Variants in CMC2 observed in about 807,000 individuals in gnomAD.
CMC2 encodes COX assembly mitochondrial protein 2 homolog.
A neutral mutation model predicts 7.5 loss-of-function variants in CMC2; 5 were observed. That is an observed-to-expected ratio of 0.66 (90% CI 0.35 to 1.40). The LOEUF (loss-of-function observed/expected upper bound fraction) is 1.40, where lower values mean the gene tolerates loss of function less well. CMC2 is among the 40% of genes most tolerant of loss of function. CMC2 has a pLI of 0.04. For synonymous variants in CMC2, 37 were observed against 31.4 expected, an observed-to-expected ratio of 1.18 and a Z score of -0.60; for missense variants, 115 against 92.3, an observed-to-expected ratio of 1.25 and a Z score of -1.01.
Position 80,971,599 on chromosome 16 carries a change from C to CATATATATATATATAT in CMC2, c.*4493_*4494insATATATATATATATAT, listed in dbSNP as rs947816734. 1.8e-4 allele frequency: 20 copies of CATATATATATATATAT among 113,246 alleles called. No individual in the cohort carries two copies. The highest frequency in any genetic ancestry group is 1.7e-3 in the East Asian group (7 of 4,042). 7.0% of individuals were successfully genotyped at this position (113,246 alleles called of 1,614,324 possible). A position where few individuals can be genotyped will look rare whatever the true frequency, so the allele number is the denominator to read the frequency against. On this transcript the variant is annotated 3_prime_UTR_variant, in exon 4 of 4. Transcript: ENST00000219400. The stretch of plus-strand genomic sequence containing the variant: ...ATATATATATATGTATGAAATCATG[C>CATATATATATATATAT]ATATATATATATGTATGAAATCATG...
intron 2 of CMC2, among the ~76,000 whole-genome samples, chr16:80,985,591 C>T (rs1967456848): frequency 1.3e-5 from 2 of 152,094 alleles, no homozygotes; most frequent in African/African-American, 4.8e-5. Flanking sequence ...ATATCACCCA[C>T]ATAAACAATA....
chr16:81,003,856 G>C (rs956033827), intron 1 of CMC2, among the ~76,000 whole-genome samples: 3 of 152,190 alleles, frequency 2.0e-5, no homozygotes, highest in Non-Finnish European at 4.4e-5. Flanking sequence ...ACTAATCTGA[G>C]ACCTAAGTCT....
intron 2 of CMC2, chr16:80,983,697 C>G (rs932957472): frequency 6.6e-6 from 1 of 152,234 alleles, no homozygotes; most frequent in Admixed American, 6.5e-5. Flanking sequence ...AAATAAGTAA[C>G]ACAGATGCGC....
Position 80,975,772 on chromosome 16 carries a change from C to A in CMC2, c.*321G>T. 1 of 177,610 alleles carries A rather than the reference C, an allele frequency of 5.6e-6. No individual in the cohort carries two copies. Among genetic ancestry groups the A allele is most frequent in the South Asian group, 1.7e-4 (1 of 5,978 alleles). The allele number at this position is 177,610 out of a possible 1,614,324, so 11.0% of individuals were successfully genotyped here. A position where few individuals can be genotyped will look rare whatever the true frequency, so the allele number is the denominator to read the frequency against. The stretch of plus-strand genomic sequence containing the variant: ...TAATGGCAACATTTTCCTCTAATGC[C>A]AAAAGAATCTAAGAGAAAGGAGAAA... On this transcript the variant is annotated 3_prime_UTR_variant, in exon 4 of 4. Coordinates refer to ENST00000219400, the MANE Select transcript of CMC2 (RefSeq NM_020188.5).
chr16:80,986,088 C>T (rs1379031602), intron 2 of CMC2, among the ~76,000 whole-genome samples: 1 of 152,156 alleles, frequency 6.6e-6, no homozygotes, highest in Non-Finnish European at 1.5e-5. Flanking sequence ...TGGCTCATGC[C>T]TGTAATTCCA....
chr16:80,988,871 T>C (rs533340170), intron 2 of CMC2, among the ~76,000 whole-genome samples: 30 of 152,212 alleles, frequency 2.0e-4, no homozygotes, highest in Non-Finnish European at 3.5e-4. Context: ...ACAGCTTGTC[T>C]CTTTTTTCTT....
intron 1 of CMC2, among the ~76,000 whole-genome samples, chr16:81,004,520 C>T (rs1312276610): frequency 6.6e-6 from 1 of 152,142 alleles, no homozygotes; most frequent in African/African-American, 2.4e-5. Flanking sequence ...TGTCACGATT[C>T]CACCACCTCC....
rs1330835133 is a variant in CMC2 at position 80,970,675 on chromosome 16, T to C, written c.*5418A>G. Reference sequence around the variant, plus strand: ...TGATGTGACTGTCTACATAGAAAAATCTAAAATAATCTATAGGCCCCAGAA... The same window carrying C: ...TGATGTGACTGTCTACATAGAAAAACCTAAAATAATCTATAGGCCCCAGAA... On this transcript the variant is annotated 3_prime_UTR_variant, in exon 4 of 4. Coordinates refer to ENST00000219400, the MANE Select transcript of CMC2 (RefSeq NM_020188.5). 1.3e-5 allele frequency: 2 copies of C among 152,142 alleles called. No individual in the cohort carries two copies. The highest frequency in any genetic ancestry group is 2.9e-5 in the Non-Finnish European group (2 of 68,020). 9.4% of individuals were successfully genotyped at this position (152,142 alleles called of 1,614,324 possible).
intron 3 of CMC2, among the ~76,000 whole-genome samples, chr16:80,979,091 A>T (rs537998670): frequency 0.014 from 2,101 of 151,662 alleles, 48 homozygotes; most frequent in African/African-American, 0.047. Flanking sequence ...AAAAAATAAA[A>T]AAATAAAAAA....
intron 2 of CMC2, among the ~76,000 whole-genome samples, chr16:80,993,197 T>C (rs989300174): frequency 2.0e-5 from 3 of 152,170 alleles, no homozygotes; most frequent in African/African-American, 7.2e-5. Context: ...AAGAACAAAC[T>C]GAATATATAA....
In CMC2 at chr16:80,976,016, T is replaced by C. The variant is rs1912276488; in HGVS notation, c.*77A>G. On this transcript the variant is annotated 3_prime_UTR_variant, in exon 4 of 4. Transcript: ENST00000219400. ...CATTCAAAGGATTATGGAGACCAAA[T>C]AAGACAGGATTCTTTCAGGTATCAA... 7.4e-6 allele frequency: 6 copies of C among 812,420 alleles called. No individual in the cohort carries two copies. The highest frequency in any genetic ancestry group is 1.3e-5 in the Non-Finnish European group (6 of 470,624). 50.3% of individuals were successfully genotyped at this position (812,420 alleles called of 1,614,324 possible).
intron 2 of CMC2, among the ~76,000 whole-genome samples, chr16:80,995,640 G>A (rs1968358658): frequency 6.6e-6 from 1 of 152,244 alleles, no homozygotes; most frequent in Non-Finnish European, 1.5e-5. Flanking sequence ...TTGGGTGACA[G>A]AGTGAGACTC....
rs1387660313 is a variant in CMC2, at chr16:80,973,318, C to T, written c.*2775G>A. On this transcript the variant is annotated 3_prime_UTR_variant, in exon 4 of 4. Coordinates refer to ENST00000219400, the MANE Select transcript of CMC2 (RefSeq NM_020188.5). ...GGGCCCCACTCAAACGGTATCAGCC[C>T]TAGTGATTTGGTGCCTTCTACCAAA... The T allele has an allele frequency of 6.6e-6, 1 of 152,170 alleles. No individual in the cohort carries two copies. The highest frequency in any genetic ancestry group is 1.9e-4 in the East Asian group (1 of 5,186). The allele number at this position is 152,170 out of a possible 1,614,324, so 9.4% of individuals were successfully genotyped here. A position where few individuals can be genotyped will look rare whatever the true frequency, so the allele number is the denominator to read the frequency against.
rs111659138 is a variant in CMC2 at position 80,967,575 on chromosome 16, G to C, written c.*8518C>G. The C allele has an allele frequency of 1.3e-5, 2 of 152,214 alleles. No homozygotes were observed. The highest frequency in any genetic ancestry group is 2.9e-5 in the Non-Finnish European group (2 of 68,062). 9.4% of individuals were successfully genotyped at this position (152,214 alleles called of 1,614,324 possible). A position where few individuals can be genotyped will look rare whatever the true frequency, so the allele number is the denominator to read the frequency against. ...AGGATGGTCTCGATCTCCTGACCTCGTGATCCGCCCGCCTCGGCCTCCCAA... is the reference window on the plus strand; with the variant it reads ...AGGATGGTCTCGATCTCCTGACCTCCTGATCCGCCCGCCTCGGCCTCCCAA... On this transcript the variant is annotated 3_prime_UTR_variant, in exon 4 of 4. Coordinates refer to ENST00000219400, the MANE Select transcript of CMC2 (RefSeq NM_020188.5).
rs1450870951 is a variant in CMC2, at chr16:80,972,151, C to T, written c.*3942G>A. ...GGAGACTGGTAACAATAAAGCATCC[C>T]TTTGCTTTCCCTTCACCACTTTCTG... On this transcript the variant is annotated 3_prime_UTR_variant, in exon 4 of 4. Coordinates refer to ENST00000219400, the MANE Select transcript of CMC2 (RefSeq NM_020188.5). 6.6e-6 allele frequency: 1 copy of T among 152,228 alleles called. No individual in the cohort carries two copies. The highest frequency in any genetic ancestry group is 1.5e-5 in the Non-Finnish European group (1 of 68,080). The allele number at this position is 152,228 out of a possible 1,614,324, so 9.4% of individuals were successfully genotyped here. A position where few individuals can be genotyped will look rare whatever the true frequency, so the allele number is the denominator to read the frequency against.
intron 2 of CMC2, among the ~76,000 whole-genome samples, chr16:80,996,694 T>C (rs969686935): frequency 1.3e-5 from 2 of 152,196 alleles, no homozygotes; most frequent in African/African-American, 4.8e-5. Flanking sequence ...AAAAAACAAA[T>C]GCTTCTTGTA....
At chr16:81,003,616 C>T (rs1969024096) in intron 1 of CMC2, among the ~76,000 whole-genome samples, 1 of 152,202 alleles carries the variant, frequency 6.6e-6, no homozygotes. Context: ...GAAAGACAGG[C>T]ATTCACAGCA....
At chr16:80,981,287 CCAAGTCCAAGTTGTGCCCTAAAAT>C (rs1352074463) in intron 3 of CMC2, among the ~76,000 whole-genome samples, 1 of 152,072 alleles carries the variant, frequency 6.6e-6, no homozygotes, top group East Asian at 1.9e-4. Flanking sequence ...GGCTATTTGC[CCAAGTCCAAGTTGTGCCCTAAAAT>C]CAAGTTCAGG....
intron 1 of CMC2, among the ~76,000 whole-genome samples, chr16:81,000,000 TAGGACTAAGTACTCAA>T (rs1290870266): frequency 6.6e-6 from 1 of 152,058 alleles, no homozygotes; most frequent in African/African-American, 2.4e-5. Flanking sequence ...GGAAGAGAAT[TAGGACTAAGTACTCAA>T]ACACAATTAC....
Sources: gnomAD v4.1 joint callset for allele counts (sites outside exome capture counted in the v4.1 genomes callset) on GRCh38, gnomAD v4.1.1 for gene constraint, MANE v1.5 for transcripts, NCBI Gene and HGNC (gene_info 2026-07-23, HGNC 2026-07-21) for gene names.